Variants in PLXNA4 observed in about 807,000 individuals in gnomAD.
PLXNA4 encodes plexin A4.
PLXNA4 carries 44 observed loss-of-function variants against 191.8 expected under a neutral mutation model. That is an observed-to-expected ratio of 0.23 (90% CI 0.18 to 0.29). The LOEUF is 0.29. Ranked by LOEUF, PLXNA4 falls within the 10% of genes least tolerant of loss-of-function variation. The pLI, the probability that PLXNA4 is intolerant of heterozygous loss-of-function variation, is 1.00. For synonymous variants in PLXNA4, 1,082 were observed against 1,009.5 expected, an observed-to-expected ratio of 1.07 and a Z score of -1.36; for missense variants, 1,800 against 2,488.8, an observed-to-expected ratio of 0.72 and a Z score of 5.89.
chr7:132,388,728 T>C (rs1585068476), intron 3 of PLXNA4, among the ~76,000 whole-genome samples: 1 of 152,160 alleles, frequency 6.6e-6, no homozygotes, highest in Non-Finnish European at 1.5e-5. Flanking sequence ...GCTTCAAGGG[T>C]GGATAAGACA....
intron 2 of PLXNA4, among the ~76,000 whole-genome samples, chr7:132,503,176 T>C (rs1012707265): frequency 6.6e-6 from 1 of 152,140 alleles, no homozygotes; most frequent in Non-Finnish European, 1.5e-5. Flanking sequence ...ATTGTTCCCA[T>C]CACCCAGGCC....
chr7:132,287,896 G>T (rs192627109), intron 4 of PLXNA4, among the ~76,000 whole-genome samples: 2 of 152,278 alleles, frequency 1.3e-5, no homozygotes, highest in Admixed American at 6.5e-5. Context: ...ATGGGGCCGA[G>T]GCTGGTTCTG....
chr7:132,347,995 G>A (rs1382824883), intron 3 of PLXNA4, among the ~76,000 whole-genome samples: 2 of 152,128 alleles, frequency 1.3e-5, no homozygotes, highest in Admixed American at 6.5e-5. Flanking sequence ...AAGGATGAAA[G>A]GAAAGGAGGA....
At position 132,127,362 on chromosome 7, in the gene PLXNA4, C is replaced by T. The variant is rs181543063; in HGVS notation, c.*3117G>A. ...GTGAAGGGGCCTCCATCCCACAGGA[C>T]AAAGTTGGCCCAATTCCTTTCTCTG... On this transcript the variant is annotated 3_prime_UTR_variant, in exon 32 of 32. Coordinates refer to ENST00000321063, the MANE Select transcript of PLXNA4 (RefSeq NM_020911.2). The T allele has an allele frequency of 6.6e-6, 1 of 152,064 alleles. No individual in the cohort carries two copies. The highest frequency in any genetic ancestry group is 2.4e-5 in the African/African-American group (1 of 41,380). The allele number at this position is 152,064 out of a possible 1,614,324, so 9.4% of individuals were successfully genotyped here.
At chr7:132,439,468 G>C (rs1027211135) in intron 3 of PLXNA4, among the ~76,000 whole-genome samples, 2 of 148,868 alleles carry the variant, frequency 1.3e-5, no homozygotes, top group Admixed American at 1.4e-4. Context: ...ACATACATGT[G>C]CATGCATATA....
chr7:132,452,969 G>T (rs1043198438), intron 3 of PLXNA4, among the ~76,000 whole-genome samples: 2 of 152,138 alleles, frequency 1.3e-5, no homozygotes, highest in African/African-American at 2.4e-5. Flanking sequence ...GATGGCAGTG[G>T]CAAAGATGCT....
chr7:132,233,067 A>G (rs747672059), intron 5 of PLXNA4, among the ~76,000 whole-genome samples: 5 of 152,172 alleles, frequency 3.3e-5, no homozygotes, highest in Non-Finnish European at 7.4e-5. Context: ...AAGGTGCACC[A>G]TCTGTGCTTA....
intron 3 of PLXNA4, among the ~76,000 whole-genome samples, chr7:132,321,328 T>A (rs545332410): frequency 7.2e-5 from 11 of 152,002 alleles, no homozygotes; most frequent in African/African-American, 2.7e-4. Context: ...GAATGTAAGA[T>A]CTACAGTTAC....
At chr7:132,616,749 C>T (rs1413355508) in intron 2 of PLXNA4, among the ~76,000 whole-genome samples, 1 of 152,144 alleles carries the variant, frequency 6.6e-6, no homozygotes, top group East Asian at 1.9e-4. Flanking sequence ...TCCTCTTGTG[C>T]ACCTCCTGGA....
At chr7:132,407,477 C>A (rs1163060086) in intron 3 of PLXNA4, among the ~76,000 whole-genome samples, 2 of 152,210 alleles carry the variant, frequency 1.3e-5, no homozygotes, top group East Asian at 1.9e-4. Context: ...TGCACATGCA[C>A]ACAAACATGC....
chr7:132,339,425 C>T (rs1802940047), intron 3 of PLXNA4, among the ~76,000 whole-genome samples: 1 of 152,182 alleles, frequency 6.6e-6, no homozygotes, highest in Non-Finnish European at 1.5e-5. Context: ...AGTTCTCAGT[C>T]ACATATTCTA....
At chr7:132,516,727 G>T (rs1798956883) in intron 1 of PLXNA4, among the ~76,000 whole-genome samples, 1 of 152,196 alleles carries the variant, frequency 6.6e-6, no homozygotes, top group Admixed American at 6.5e-5. Flanking sequence ...GAAGGCCGAG[G>T]CAGGTGGATC....
At chr7:132,153,855 C>A (rs1309586646) in intron 25 of PLXNA4, among the ~76,000 whole-genome samples, 4 of 152,186 alleles carry the variant, frequency 2.6e-5, no homozygotes, top group Non-Finnish European at 5.9e-5. Flanking sequence ...GCACATGCAC[C>A]TTTTCCACCA....
At chr7:132,357,578 TC>T (rs1173226187) in intron 3 of PLXNA4, among the ~76,000 whole-genome samples, 9 of 152,196 alleles carry the variant, frequency 5.9e-5, no homozygotes, top group African/African-American at 1.9e-4. Context: ...GTGTTGTCTT[TC>T]CCCTGGTTGC....
intron 3 of PLXNA4, among the ~76,000 whole-genome samples, chr7:132,404,002 G>C (rs1159305636): frequency 6.6e-6 from 1 of 152,168 alleles, no homozygotes; most frequent in Non-Finnish European, 1.5e-5. Flanking sequence ...TCTGTAGTTG[G>C]CCCTGCTGTT....
intron 3 of PLXNA4, among the ~76,000 whole-genome samples, chr7:132,441,884 G>C (rs1795712977): frequency 6.6e-6 from 1 of 152,206 alleles, no homozygotes; most frequent in Non-Finnish European, 1.5e-5. Context: ...GAGGCCAGAG[G>C]TCTGTTGGGG....
chr7:132,339,847 GAAGTT>G (rs1490813077), intron 3 of PLXNA4, among the ~76,000 whole-genome samples: 1 of 152,122 alleles, frequency 6.6e-6, no homozygotes, highest in Non-Finnish European at 1.5e-5. Flanking sequence ...ATTTTAACTG[GAAGTT>G]TCTTTATAAA....
chr7:132,323,562 A>G (rs1802257564), intron 3 of PLXNA4, among the ~76,000 whole-genome samples: 1 of 152,064 alleles, frequency 6.6e-6, no homozygotes, highest in African/African-American at 2.4e-5. Flanking sequence ...GGTCTGCTAG[A>G]TCTTCCTCCT....
At chr7:132,422,109 C>T (rs1263046717) in intron 3 of PLXNA4, among the ~76,000 whole-genome samples, 1 of 152,204 alleles carries the variant, frequency 6.6e-6, no homozygotes, top group Non-Finnish European at 1.5e-5. Context: ...CAGTTGGTTA[C>T]CGAATGGTCT....
Sources: allele counts gnomAD v4.1 joint callset (sites outside exome capture counted in the v4.1 genomes callset), GRCh38; gene constraint gnomAD v4.1.1; transcripts MANE v1.5; gene names NCBI Gene and HGNC (gene_info 2026-07-23, HGNC 2026-07-21).